The following FRY variants were observed in gnomAD, a reference collection of about 807,000 sequenced individuals.
The protein encoded by FRY is protein furry homolog.
A neutral mutation model predicts 348.4 loss-of-function variants in FRY; 128 were observed. The observed-to-expected ratio is 0.37, with a 90% confidence interval of 0.32 to 0.43. The LOEUF is 0.43. FRY is among the 20% of genes least tolerant of loss of function. FRY has a pLI of 1.00. For missense variants in FRY, 2,736 were observed against 3,695.2 expected (o/e 0.74, Z 6.73); for synonymous variants, 1,370 against 1,374.7 (o/e 1.00, Z 0.08).
At chr13:32,236,033 A>G (rs1886207726) in intron 42 of FRY, 45 bp from the exon 43 acceptor site, 1 of 1,219,116 alleles carries the variant, frequency 8.2e-7, no homozygotes, top group Non-Finnish European at 1.2e-6. Context: ...GGAAATTAAC[A>G]ATGGTTACAA....
At chr13:32,265,403 T>C in intron 53 of FRY, 47 bp from the exon 54 acceptor site, 1 of 1,588,104 alleles carries the variant, frequency 6.3e-7, no homozygotes, top group South Asian at 1.1e-5. Flanking sequence ...TTGTCCTGTA[T>C]GTTTTCTTAC....
At chr13:32,155,860 A>G (rs1881075835) in intron 15 of FRY, among the ~76,000 whole-genome samples, 198 bp downstream of exon 15, 1 of 152,160 alleles carries the variant, frequency 6.6e-6, no homozygotes, top group South Asian at 2.1e-4. Context: ...TTCCTGGTAA[A>G]TATTTTGGCA....
intron 2 of FRY, among the ~76,000 whole-genome samples, chr13:32,079,716 T>A (rs1365269413): frequency 6.6e-6 from 1 of 152,116 alleles, no homozygotes; most frequent in Non-Finnish European, 1.5e-5. Context: ...GCACTGAATC[T>A]CTCCAAAGGA....
At chr13:32,069,810 C>T (rs1220405925) in intron 1 of FRY, among the ~76,000 whole-genome samples, 1 of 151,938 alleles carries the variant, frequency 6.6e-6, no homozygotes, top group Non-Finnish European at 1.5e-5. Flanking sequence ...GTTTGCTGCA[C>T]CCATCAACTC....
intron 1 of FRY, among the ~76,000 whole-genome samples, chr13:32,051,517 A>G (rs1873327323): frequency 6.6e-6 from 1 of 152,208 alleles, no homozygotes. Context: ...TTTCAGATGG[A>G]TGCTAACTCT....
chr13:32,212,570 G>A (rs370388442), intron 35 of FRY, among the ~76,000 whole-genome samples, 188 bp downstream of exon 35: 1 of 152,136 alleles, frequency 6.6e-6, no homozygotes, highest in African/African-American at 2.4e-5. Context: ...TTATTTCTGT[G>A]CAAAGTCAGA....
intron 56 of FRY, 87 bp downstream of exon 56, chr13:32,275,078 T>C (rs1321927359): frequency 3.7e-5 from 46 of 1,248,152 alleles, no homozygotes. Flanking sequence ...CGCTGTGGTT[T>C]GTTTTAAAGA....
chr13:32,109,480 C>A (rs1190777260), intron 3 of FRY, among the ~76,000 whole-genome samples: 1 of 152,094 alleles, frequency 6.6e-6, no homozygotes, highest in African/African-American at 2.4e-5. Flanking sequence ...AAGAAGCAAC[C>A]AAGGAGCAGT....
intron 36 of FRY, among the ~76,000 whole-genome samples, chr13:32,219,402 C>G (rs1444862567): frequency 6.9e-6 from 1 of 144,902 alleles, no homozygotes; most frequent in African/African-American, 2.5e-5. Context: ...TTTTTATATT[C>G]TTGACATTTT....
intron 55 of FRY, among the ~76,000 whole-genome samples, chr13:32,268,505 AATATATATATATATAT>A (rs869298149): frequency 3.5e-5 from 1 of 28,306 alleles, no homozygotes; most frequent in Admixed American, 4.8e-4. Context: ...AAAAAAAAAA[AATATATATATATATAT>A]ATATATATAT....
intron 51 of FRY, among the ~76,000 whole-genome samples, chr13:32,259,741 A>G (rs2806638): frequency 0.49 from 74,035 of 151,890 alleles, 19,486 homozygotes; most frequent in Middle Eastern, 0.67. Context: ...TTCTTTACAC[A>G]TTGGATTTTC....
chr13:32,225,944 C>G lies in FRY; in HGVS notation c.5176C>G (p.Pro1726Ala). ...MGEAKTLTVQ[P>A]AYQPEYLYTG... ...TGAAGCTAAGACTCTAACCGTGCAG[C>G]CAGCCTACCAACCTGAATATCTCTA... The change falls in exon 39 of 61, where the codon CCA becomes GCA. Residue 1726 changes from proline (P) to alanine (A), a missense_variant. By Grantham distance (27) the Pro-to-Ala change is conservative. Transcript: ENST00000542859. The G allele has an allele frequency of 3.1e-6, 5 of 1,614,102 alleles. No individual in the cohort carries two copies. Among genetic ancestry groups the G allele is most frequent in the Non-Finnish European group, 4.2e-6 (5 of 1,179,982 alleles).
Position 32,078,959 on chromosome 13 carries a change from G to T in FRY, c.196G>T (p.Val66Phe). 6.2e-7 allele frequency: 1 copy of T among 1,613,850 alleles called. No individual in the cohort carries two copies. The highest frequency in any genetic ancestry group is 8.5e-7 in the Non-Finnish European group (1 of 1,179,782). ...CCCAGACAGTAAACCAGGAGAATAT[G>T]TCCTCAAAAGTTTATTTGTCAACTT... Reference protein sequence around the residue: ...VDPDSKPGEYVLKSLFVNFTT... With the variant: ...VDPDSKPGEYFLKSLFVNFTT... The change falls in exon 2 of 61, where the codon GTC (valine) becomes TTC (phenylalanine). Residue 66 changes from valine to phenylalanine, a missense_variant. Coordinates refer to ENST00000542859, the MANE Select transcript of FRY (RefSeq NM_023037.3).
intron 51 of FRY, among the ~76,000 whole-genome samples, chr13:32,255,261 ACT>A (rs565089210): frequency 7.9e-5 from 12 of 151,882 alleles, no homozygotes; most frequent in Admixed American, 7.2e-4. Context: ...TTCCCAAACG[ACT>A]CTCTGCTAGT....
intron 42 of FRY, among the ~76,000 whole-genome samples, chr13:32,235,165 C>G (rs1427560799): frequency 1.3e-5 from 2 of 152,212 alleles, no homozygotes; most frequent in Admixed American, 6.5e-5. Context: ...CACTACCTCT[C>G]TCTCTATGGT....
intron 23 of FRY, among the ~76,000 whole-genome samples, chr13:32,181,202 T>C (rs1177810496): frequency 6.6e-6 from 1 of 152,146 alleles, no homozygotes; most frequent in Non-Finnish European, 1.5e-5. Flanking sequence ...GATTTTATTC[T>C]TAAAAGAAGT....
chr13:32,091,451 G>C (rs1007499021), intron 2 of FRY, among the ~76,000 whole-genome samples: 1 of 152,204 alleles, frequency 6.6e-6, no homozygotes, highest in East Asian at 1.9e-4. Context: ...TTCCAAACTT[G>C]AGTCAAAGTT....
At position 32,237,287 on chromosome 13, in the gene FRY, C is replaced by A; in HGVS notation, c.5811-92C>A. 1 of 1,203,770 alleles carries A rather than the reference C, an allele frequency of 8.3e-7. No homozygotes were observed. The highest frequency in any genetic ancestry group is 1.2e-6 in the Non-Finnish European group (1 of 826,528). 74.6% of individuals were successfully genotyped at this position (1,203,770 alleles called of 1,614,324 possible). A position where few individuals can be genotyped will look rare whatever the true frequency, so the allele number is the denominator to read the frequency against. On this transcript the variant is annotated intron_variant, in intron 43 of 60. Transcript: ENST00000542859. This position sits in a 1 kb window ranked among gnomAD's most constrained non-coding sequence, Gnocchi z 6.3. ...AAGTGGCATTTCTAAAGAATGATTT[C>A]CCTCCTGCAGTGTTTCTCAGTGGAC...
chr13:32,069,541 A>G (rs772217692), intron 1 of FRY, among the ~76,000 whole-genome samples: 4 of 152,188 alleles, frequency 2.6e-5, no homozygotes, highest in African/African-American at 7.2e-5. Flanking sequence ...TGATACCACT[A>G]TACCAGCGAA....
Sources: allele counts gnomAD v4.1 joint callset (sites outside exome capture counted in the v4.1 genomes callset), GRCh38; gene constraint gnomAD v4.1.1; non-coding constraint Gnocchi (gnomAD v3.1); transcripts MANE v1.5; gene names NCBI Gene and HGNC (gene_info 2026-07-23, HGNC 2026-07-21).